Variants in PUS7 observed in about 807,000 individuals in gnomAD.
The protein encoded by PUS7 is pseudouridine synthase 7.
A neutral mutation model predicts 79.8 loss-of-function variants in PUS7; 48 were observed. The ratio of observed to expected loss-of-function variants is 0.60; its 90% confidence interval spans 0.48 to 0.76. PUS7 has a LOEUF of 0.76. Ranked by LOEUF, PUS7 falls within the 30% of genes least tolerant of loss-of-function variation. PUS7 has a pLI of 0.00. For missense variants in PUS7, 729 were observed against 797.6 expected (o/e 0.91, Z 1.04); for synonymous variants, 286 against 272.2 (o/e 1.05, Z -0.50).
At chr7:105,501,476 T>C (rs898043863) in intron 5 of PUS7, among the ~76,000 whole-genome samples, 2 of 152,118 alleles carry the variant, frequency 1.3e-5, no homozygotes, top group African/African-American at 2.4e-5. Context: ...CATTAGAACA[T>C]AAATATCAGT....
rs1055728902 is a variant in PUS7 at position 105,520,045 on chromosome 7, C to T, written c.-33+2007G>A. On this transcript the variant is annotated intron_variant, in intron 1 of 15. Coordinates refer to ENST00000469408, the MANE Select transcript of PUS7 (RefSeq NM_019042.5). ...CTCTATCAAAAGACACGTTCAAGGC[C>T]GGGTGTGATGGCACACGCCTGTAAT... Among the ~76,000 whole-genome samples, 11 of 152,178 alleles carry T rather than the reference C, an allele frequency of 7.2e-5. No homozygotes were observed. The East Asian group carries it at 1.4e-3, about 19-fold the overall frequency.
At chr7:105,490,551 C>T (rs955389802) in intron 7 of PUS7, among the ~76,000 whole-genome samples, 1 of 152,136 alleles carries the variant, frequency 6.6e-6, no homozygotes, top group Admixed American at 6.5e-5. Context: ...CCTCTATACA[C>T]CAATCCCCAT....
intron 1 of PUS7, among the ~76,000 whole-genome samples, chr7:105,517,452 C>T (rs530618802): frequency 1.3e-5 from 2 of 152,288 alleles, no homozygotes; most frequent in African/African-American, 4.8e-5. Context: ...TGAGCCACCA[C>T]GCCTGGCCAA....
intron 7 of PUS7, among the ~76,000 whole-genome samples, chr7:105,485,382 T>C (rs969470199): frequency 6.6e-6 from 1 of 152,112 alleles, no homozygotes; most frequent in Non-Finnish European, 1.5e-5. Flanking sequence ...GCTAATTTTG[T>C]ATTTTTAGTA....
chr7:105,482,234 T>G, intron 8 of PUS7, 78 bp downstream of exon 8: 3 of 1,515,676 alleles, frequency 2.0e-6, no homozygotes, highest in Non-Finnish European at 2.7e-6. Context: ...ACCAGGACCT[T>G]ATGACCAACC....
chr7:105,519,303 G>A (rs1389372637), intron 1 of PUS7, among the ~76,000 whole-genome samples: 2 of 151,110 alleles, frequency 1.3e-5, no homozygotes, highest in African/African-American at 2.4e-5. Flanking sequence ...GTGCAGTCTC[G>A]GCTCACCGCA....
intron 15 of PUS7, among the ~76,000 whole-genome samples, chr7:105,458,571 ATTTTTTT>A: frequency 8.0e-6 from 1 of 124,910 alleles, no homozygotes; most frequent in Non-Finnish European, 1.7e-5. Context: ...CCAGCCACCA[ATTTTTTT>A]TTTTTTTTTT....
chr7:105,508,018 G>A (rs1159674527), intron 2 of PUS7, 97 bp downstream of exon 2: 2 of 1,413,954 alleles, frequency 1.4e-6, no homozygotes, highest in Non-Finnish European at 1.9e-6. Context: ...AACAAGCCTT[G>A]GAGATGGAAA....
At chr7:105,505,909 C>A in intron 4 of PUS7, 46 bp downstream of exon 4, 5 of 1,459,204 alleles carry the variant, frequency 3.4e-6, no homozygotes, top group Non-Finnish European at 4.7e-6. Flanking sequence ...ACCCAAAAAG[C>A]AACTAAAACC....
chr7:105,461,413 G>T (rs990658824), intron 14 of PUS7, among the ~76,000 whole-genome samples: 2 of 151,922 alleles, frequency 1.3e-5, no homozygotes, highest in African/African-American at 4.8e-5. Context: ...TAGAGACAGG[G>T]TCTCACTATA....
Position 105,508,471 on chromosome 7 carries a change from C to T in PUS7, c.42G>A (p.Gly14=), listed in dbSNP as rs1825563315. 3 of 1,614,064 alleles carry T rather than the reference C, an allele frequency of 1.9e-6. No homozygotes were observed. Among genetic ancestry groups the T allele is most frequent in the Non-Finnish European group, 2.5e-6 (3 of 1,180,008 alleles). The change falls in exon 2 of 16, where the codon GGG becomes GGA. Residue 14 remains glycine (G), a synonymous_variant. Coordinates refer to ENST00000469408, the MANE Select transcript of PUS7 (RefSeq NM_019042.5). ...TGTCATTATCTTCGACAACCAGTGCCCCACGTTTCAGCGACACACCAGTCA... is the reference window on the plus strand; with the variant it reads ...TGTCATTATCTTCGACAACCAGTGCTCCACGTTTCAGCGACACACCAGTCA... ...TEMTGVSLKR[G]ALVVEDNDSG... is the part of the protein sequence containing the mutation.
At chr7:105,496,926 A>G in intron 5 of PUS7, 1 of 1,182,408 alleles carries the variant, frequency 8.5e-7, no homozygotes, top group South Asian at 1.6e-5. Context: ...ATTTCACTTT[A>G]TCTACATGAA....
At position 105,457,885 on chromosome 7, in the gene PUS7, G is replaced by A. The variant is rs772966637; in HGVS notation, c.1891C>T (p.Pro631Ser). 2.5e-6 allele frequency: 4 copies of A among 1,613,906 alleles called. No individual in the cohort carries two copies. Among genetic ancestry groups the A allele is most frequent in the African/African-American group, 2.7e-5 (2 of 74,924 alleles). The change falls in exon 16 of 16, where the codon CCT becomes TCT. Residue 631 changes from proline to serine, a missense_variant. By Grantham distance (74) the Pro-to-Ser change is moderately conservative (BLOSUM62 -1). Transcript: ENST00000469408. ...ATGGCCATGGTGGCGTAAGTAGAAG[G>A]GGGTAGAGAAAAATCCATTTTCAGA... ...RALKMDFSLPPSTYATMAIRE... is the reference protein window; with the variant it reads ...RALKMDFSLPSSTYATMAIRE...
chr7:105,506,823 GA>G (rs1429892779), intron 2 of PUS7, among the ~76,000 whole-genome samples: 1 of 152,062 alleles, frequency 6.6e-6, no homozygotes, highest in Non-Finnish European at 1.5e-5. Context: ...TTCTTCCAGA[GA>G]AATGCAAAAA....
chr7:105,482,362 G>T lies in PUS7; in HGVS notation c.999C>A (p.Asn333Lys). Reference sequence around the variant, plus strand: ...CTTGAAGCTCTCCCAATTTCAGTGGGTTTTTTTGATAGCTGAAATTCCCTA... The same window carrying T: ...CTTGAAGCTCTCCCAATTTCAGTGGTTTTTTTTGATAGCTGAAATTCCCTA... ...FKLGNFSYQKNPLKLGELQGN... is the reference protein window; with the variant it reads ...FKLGNFSYQKKPLKLGELQGN... Residue 333 changes from asparagine (N) to lysine (K), a missense_variant, in exon 8 of 16, where the codon AAC becomes AAA. Physicochemically the swap from Asn to Lys is moderately conservative, Grantham distance 94 (BLOSUM62 0). Coordinates refer to ENST00000469408, the MANE Select transcript of PUS7 (RefSeq NM_019042.5). 6.2e-7 allele frequency: 1 copy of T among 1,612,026 alleles called. No homozygotes were observed. Among genetic ancestry groups the T allele is most frequent in the Middle Eastern group, 1.7e-4 (1 of 6,058 alleles).
intron 5 of PUS7, among the ~76,000 whole-genome samples, chr7:105,498,159 A>G (rs1460488833): frequency 6.6e-6 from 1 of 152,240 alleles, no homozygotes; most frequent in Non-Finnish European, 1.5e-5. Context: ...TCCTTTGCAA[A>G]CAACAGATAC....
Position 105,515,791 on chromosome 7 carries a change from T to TTTTATTTATTTATTTATTTATTTATTTA in PUS7, c.-33+6233_-33+6260dup, listed in dbSNP as rs57686149. 2.5e-3 allele frequency among the ~76,000 whole-genome samples: 307 copies of TTTTATTTATTTATTTATTTATTTATTTA among 121,256 alleles called. 1 individual carries two copies. The highest frequency in any genetic ancestry group is 6.0e-3 in the African/African-American group (188 of 31,338). 79.5% of individuals were successfully genotyped at this position (121,256 alleles called of 152,430 possible). On this transcript the variant is annotated intron_variant, in intron 1 of 15. Coordinates refer to ENST00000469408, the MANE Select transcript of PUS7 (RefSeq NM_019042.5). ...CGACTAAGTTTTGTATTTTATTTTA[T>TTTTATTTATTTATTTATTTATTTATTTA]TTTATTTATTTATTTATTTATTTAT... is the stretch of plus-strand genomic sequence containing the variant.
chr7:105,521,794 G>A (rs1826126250), intron 1 of PUS7, among the ~76,000 whole-genome samples: 1 of 145,208 alleles, frequency 6.9e-6, no homozygotes, highest in Non-Finnish European at 1.5e-5. Context: ...CGGACGACTG[G>A]CCGGGCAGAG....
intron 13 of PUS7, among the ~76,000 whole-genome samples, chr7:105,463,891 A>AT (rs1328065157): frequency 2.0e-5 from 3 of 152,198 alleles, no homozygotes; most frequent in African/African-American, 7.2e-5. Flanking sequence ...AATACTAACT[A>AT]TTTTGCACAA....
Sources: gnomAD v4.1 joint callset for allele counts (sites outside exome capture counted in the v4.1 genomes callset) on GRCh38, gnomAD v4.1.1 for gene constraint, MANE v1.5 for transcripts, NCBI Gene and HGNC (gene_info 2026-07-23, HGNC 2026-07-21) for gene names.